ZNF385B: variants seen among roughly 807,000 people sequenced by gnomAD.
ZNF385B encodes the protein zinc finger protein 385B.
ZNF385B carries 23 observed loss-of-function variants against 39.2 expected under a neutral mutation model. That is an observed-to-expected ratio of 0.59 (90% CI 0.42 to 0.83). The LOEUF (loss-of-function observed/expected upper bound fraction) is 0.83, where lower values mean the gene tolerates loss of function less well. ZNF385B is among the 40% of genes least tolerant of loss of function. The pLI is 0.00. For synonymous variants in ZNF385B, 205 were observed against 222.6 expected (o/e 0.92, Z 0.70); for missense variants, 552 against 598.9 (o/e 0.92, Z 0.82).
At chr2:179,621,150 A>G (rs1466212461) in intron 3 of ZNF385B, among the ~76,000 whole-genome samples, 3 of 152,176 alleles carry the variant, frequency 2.0e-5, no homozygotes, top group African/African-American at 7.2e-5. Context: ...AGAATGGGGT[A>G]GAAAAAAAGG....
intron 3 of ZNF385B, among the ~76,000 whole-genome samples, chr2:179,699,546 G>T (rs977294310): frequency 6.6e-6 from 1 of 152,156 alleles, no homozygotes; most frequent in Non-Finnish European, 1.5e-5. Flanking sequence ...AAATAGTAAA[G>T]AATAATTTCT....
intron 3 of ZNF385B, among the ~76,000 whole-genome samples, chr2:179,651,134 C>A (rs1009900327): frequency 1.4e-5 from 2 of 146,066 alleles, no homozygotes; most frequent in African/African-American, 5.5e-5. Flanking sequence ...TGTTTTCTCC[C>A]AAGATTTTTT....
chr2:179,753,030 T>C (rs1189688917), intron 3 of ZNF385B, among the ~76,000 whole-genome samples: 2 of 152,200 alleles, frequency 1.3e-5, no homozygotes, highest in Admixed American at 1.3e-4. Flanking sequence ...CTGAATGGTA[T>C]TGCCTAGGTT....
chr2:179,535,483 C>G (rs1457433764), intron 4 of ZNF385B, among the ~76,000 whole-genome samples: 1 of 152,136 alleles, frequency 6.6e-6, no homozygotes, highest in Non-Finnish European at 1.5e-5. Context: ...TGGTAGGGCT[C>G]TCTACTAGAA....
chr2:179,631,639 T>C (rs969355736), intron 3 of ZNF385B, among the ~76,000 whole-genome samples: 2 of 152,126 alleles, frequency 1.3e-5, no homozygotes, highest in African/African-American at 4.8e-5. Flanking sequence ...ACGGTGAACA[T>C]CATAATGACA....
At chr2:179,696,326 C>CTTTTTATTTTTTTTTTTTTTTTTTT (rs1698745662) in intron 3 of ZNF385B, among the ~76,000 whole-genome samples, 1 of 40,354 alleles carries the variant, frequency 2.5e-5, no homozygotes, top group Non-Finnish European at 4.1e-5. Flanking sequence ...CAAACTGGGA[C>CTTTTTATTTTTTTTTTTTTTTTTTT]TTTTTTTTTT....
chr2:179,694,351 C>CTT (rs61002544), intron 3 of ZNF385B, among the ~76,000 whole-genome samples: 1,484 of 141,856 alleles, frequency 0.01, 13 homozygotes, highest in African/African-American at 0.021. Flanking sequence ...CTGCATTAAG[C>CTT]TTTTTTTTTT....
intron 3 of ZNF385B, among the ~76,000 whole-genome samples, chr2:179,610,047 C>T (rs1239817699): frequency 6.6e-6 from 1 of 152,094 alleles, no homozygotes; most frequent in Non-Finnish European, 1.5e-5. Flanking sequence ...CTTTGCTGTA[C>T]AGAAGCTTTT....
At chr2:179,522,017 C>T (rs2058543553) in intron 4 of ZNF385B, among the ~76,000 whole-genome samples, 1 of 151,938 alleles carries the variant, frequency 6.6e-6, no homozygotes, top group Non-Finnish European at 1.5e-5. Context: ...ATTTAAATGT[C>T]ATTTTGGGGG....
intron 1 of ZNF385B, among the ~76,000 whole-genome samples, chr2:179,848,360 T>C (rs1559248697): frequency 6.6e-6 from 1 of 152,190 alleles, no homozygotes; most frequent in Admixed American, 6.5e-5. Context: ...GTTTATAGGC[T>C]GTTGAGGTGT....
chr2:179,834,927 A>T (rs757551437), intron 1 of ZNF385B, among the ~76,000 whole-genome samples: 1 of 152,226 alleles, frequency 6.6e-6, no homozygotes, highest in Non-Finnish European at 1.5e-5. Context: ...GACACGTCAA[A>T]ATTGAGAGAT....
chr2:179,766,942 C>G (rs376553988), intron 3 of ZNF385B, among the ~76,000 whole-genome samples: 7 of 152,132 alleles, frequency 4.6e-5, no homozygotes, highest in African/African-American at 1.4e-4. Flanking sequence ...AAAAGCCCCC[C>G]GCAGTCCACT....
chr2:179,829,234 G>C (rs905725085), intron 1 of ZNF385B, among the ~76,000 whole-genome samples: 8 of 152,054 alleles, frequency 5.3e-5, no homozygotes, highest in African/African-American at 1.9e-4. Flanking sequence ...ATAGTGAAGA[G>C]ACTATTAGCT....
intron 1 of ZNF385B, among the ~76,000 whole-genome samples, chr2:179,857,894 T>TA (rs548702986): frequency 1.2e-4 from 18 of 151,632 alleles, no homozygotes; most frequent in Admixed American, 2.0e-4. Flanking sequence ...GAGATCAAAG[T>TA]AAAAAAAATG....
At chr2:179,546,405 T>C (rs947089779) in intron 3 of ZNF385B, among the ~76,000 whole-genome samples, 1 of 152,150 alleles carries the variant, frequency 6.6e-6, no homozygotes, top group Non-Finnish European at 1.5e-5. Context: ...CTAGTAATCA[T>C]CATTCTATTC....
chr2:179,701,392 T>C (rs1699189071), intron 3 of ZNF385B, among the ~76,000 whole-genome samples: 2 of 152,230 alleles, frequency 1.3e-5, no homozygotes, highest in Admixed American at 1.3e-4. Context: ...TAATAACTAA[T>C]GACTACTGAG....
intron 3 of ZNF385B, among the ~76,000 whole-genome samples, chr2:179,744,037 G>A (rs1702232376): frequency 6.6e-6 from 1 of 152,108 alleles, no homozygotes; most frequent in African/African-American, 2.4e-5. Flanking sequence ...GCAGATAAGT[G>A]TAATGATGAA....
At chr2:179,501,861 C>A (rs1476771719) in intron 5 of ZNF385B, among the ~76,000 whole-genome samples, 1 of 152,068 alleles carries the variant, frequency 6.6e-6, no homozygotes, top group East Asian at 1.9e-4. Context: ...AACTTATACA[C>A]CTACTATATA....
intron 3 of ZNF385B, among the ~76,000 whole-genome samples, chr2:179,584,341 TC>T (rs1235288396): frequency 6.6e-6 from 1 of 151,884 alleles, no homozygotes; most frequent in Non-Finnish European, 1.5e-5. Context: ...ATCCTCTCAC[TC>T]CCTAAGCCAC....
Sources: allele counts gnomAD v4.1 joint callset (sites outside exome capture counted in the v4.1 genomes callset), GRCh38; gene constraint gnomAD v4.1.1; transcripts MANE v1.5; gene names NCBI Gene and HGNC (gene_info 2026-07-23, HGNC 2026-07-21).